The following NALF1 variants were observed in gnomAD, a reference collection of about 807,000 sequenced individuals.
The protein encoded by NALF1 is NALCN channel auxiliary factor 1, also known as family with sequence similarity 155 member A.
A neutral mutation model predicts 48.4 loss-of-function variants in NALF1; 3 were observed. The ratio of observed to expected loss-of-function variants is 0.06; its 90% CI spans 0.03 to 0.16. The LOEUF (loss-of-function observed/expected upper bound fraction) is 0.16, where lower values mean the gene tolerates loss of function less well. Ranked by LOEUF, NALF1 falls within the 10% of genes least tolerant of loss-of-function variation. NALF1 has a pLI of 1.00. For missense variants in NALF1, 526 were observed against 571.5 expected, an observed-to-expected ratio of 0.92 and a Z score of 0.81; for synonymous variants, 262 against 245.7, an observed-to-expected ratio of 1.07 and a Z score of -0.62.
chr13:107,454,549 T>C (rs147963373), intron 1 of NALF1, among the ~76,000 whole-genome samples: 117 of 152,250 alleles, frequency 7.7e-4, no homozygotes, highest in African/African-American at 2.4e-3. Context: ...GTCTCTCCCA[T>C]GACACATGGG....
At chr13:107,481,650 T>A (rs561011595) in intron 1 of NALF1, among the ~76,000 whole-genome samples, 1 of 152,166 alleles carries the variant, frequency 6.6e-6, no homozygotes, top group East Asian at 1.9e-4. Flanking sequence ...TGCCCGAGAA[T>A]CTCCTGGTGA....
intron 1 of NALF1, among the ~76,000 whole-genome samples, chr13:107,312,966 C>T (rs1882076372): frequency 6.6e-6 from 1 of 152,098 alleles, no homozygotes; most frequent in Admixed American, 6.6e-5. Flanking sequence ...AACAAACCAA[C>T]AAGGGAAATC....
chr13:107,767,954 C>T (rs951477457), intron 1 of NALF1, among the ~76,000 whole-genome samples: 1 of 152,100 alleles, frequency 6.6e-6, no homozygotes, highest in African/African-American at 2.4e-5. Context: ...AAGGACTACC[C>T]GGAATGATCC....
chr13:107,233,684 G>T (rs1880277069), intron 1 of NALF1, among the ~76,000 whole-genome samples: 3 of 152,184 alleles, frequency 2.0e-5, no homozygotes, highest in Admixed American at 6.5e-5. Flanking sequence ...TCTGCTACAT[G>T]TTACATAAGC....
chr13:107,459,433 A>G (rs2139041815), intron 1 of NALF1, among the ~76,000 whole-genome samples: 1 of 152,238 alleles, frequency 6.6e-6, no homozygotes, highest in East Asian at 1.9e-4. Flanking sequence ...GTATACAATA[A>G]AAAAGCCTTT....
At chr13:107,621,484 A>AG (rs1353612510) in intron 1 of NALF1, among the ~76,000 whole-genome samples, 1 of 152,232 alleles carries the variant, frequency 6.6e-6, no homozygotes, top group Non-Finnish European at 1.5e-5. Context: ...AGTCATCAGA[A>AG]GAACAGTCCT....
chr13:107,564,176 T>A (rs1273351864), intron 1 of NALF1, among the ~76,000 whole-genome samples: 1 of 152,194 alleles, frequency 6.6e-6, no homozygotes, highest in African/African-American at 2.4e-5. Context: ...CTTTCTCTAT[T>A]TCTGCAATCT....
At chr13:107,437,019 C>A (rs1884473955) in intron 1 of NALF1, among the ~76,000 whole-genome samples, 1 of 151,968 alleles carries the variant, frequency 6.6e-6, no homozygotes, top group Non-Finnish European at 1.5e-5. Context: ...CCGGGACATA[C>A]AAAGGACTTC....
At chr13:107,244,079 T>C (rs1880529739) in intron 1 of NALF1, among the ~76,000 whole-genome samples, 1 of 152,222 alleles carries the variant, frequency 6.6e-6, no homozygotes, top group Non-Finnish European at 1.5e-5. Context: ...TGTGCCATTA[T>C]TTTGTATCAA....
At chr13:107,782,770 C>T (rs1877936882) in intron 1 of NALF1, among the ~76,000 whole-genome samples, 1 of 151,270 alleles carries the variant, frequency 6.6e-6, no homozygotes, top group African/African-American at 2.4e-5. Context: ...TGAGGAGCGT[C>T]TCTGCCCAGC....
chr13:107,758,703 G>A (rs1404408383), intron 1 of NALF1, among the ~76,000 whole-genome samples: 2 of 152,112 alleles, frequency 1.3e-5, no homozygotes, highest in Non-Finnish European at 2.9e-5. Context: ...GCTGGTGACA[G>A]AGCGAGACTC....
At chr13:107,774,017 A>G (rs1877655961) in intron 1 of NALF1, among the ~76,000 whole-genome samples, 1 of 152,182 alleles carries the variant, frequency 6.6e-6, no homozygotes, top group Non-Finnish European at 1.5e-5. Context: ...ACTATTAGTT[A>G]AGTCAGCCTG....
chr13:107,851,805 C>CTTTTTTTTTTTTT (rs34999908), intron 1 of NALF1, among the ~76,000 whole-genome samples: 6 of 104,730 alleles, frequency 5.7e-5, no homozygotes, highest in African/African-American at 1.8e-4. Context: ...CAGGCCCTTT[C>CTTTTTTTTTTTTT]TTTTTTTTTT....
chr13:107,811,555 C>T (rs1192213639), intron 1 of NALF1, among the ~76,000 whole-genome samples: 1 of 152,082 alleles, frequency 6.6e-6, no homozygotes, highest in Non-Finnish European at 1.5e-5. Context: ...ATCTTTATGG[C>T]CCCCTAAAGT....
chr13:107,276,266 T>A (rs1881278916), intron 1 of NALF1, among the ~76,000 whole-genome samples: 1 of 152,150 alleles, frequency 6.6e-6, no homozygotes, highest in Admixed American at 6.6e-5. Flanking sequence ...CCCAATCAAT[T>A]ACATTTTCTG....
intron 2 of NALF1, among the ~76,000 whole-genome samples, chr13:107,196,097 T>C (rs1037066770): frequency 1.3e-5 from 2 of 152,148 alleles, no homozygotes; most frequent in Non-Finnish European, 2.9e-5. Flanking sequence ...GGGAGCTAAA[T>C]GATGAGAACA....
intron 1 of NALF1, among the ~76,000 whole-genome samples, chr13:107,646,839 T>A (rs1214356798): frequency 2.0e-5 from 3 of 152,104 alleles, no homozygotes; most frequent in Non-Finnish European, 2.9e-5. Flanking sequence ...TAAATCAGAG[T>A]GTTCTCATTA....
chr13:107,389,107 G>A (rs2138981188), intron 1 of NALF1, among the ~76,000 whole-genome samples: 1 of 152,294 alleles, frequency 6.6e-6, no homozygotes, highest in Middle Eastern at 3.4e-3. Flanking sequence ...TCAGAGACAG[G>A]CCAGAGCAGC....
chr13:107,257,125 C>T (rs1880832372), intron 1 of NALF1, among the ~76,000 whole-genome samples: 1 of 152,064 alleles, frequency 6.6e-6, no homozygotes, highest in African/African-American at 2.4e-5. Flanking sequence ...CCTTACAAAA[C>T]CATCAGATTT....
Sources: gnomAD v4.1 joint callset for allele counts (sites outside exome capture counted in the v4.1 genomes callset) on GRCh38, gnomAD v4.1.1 for gene constraint, MANE v1.5 for transcripts, NCBI Gene and HGNC (gene_info 2026-07-23, HGNC 2026-07-21) for gene names.